GABRG3: variants seen among roughly 807,000 people sequenced by gnomAD.
GABRG3 encodes the protein gamma-aminobutyric acid type A receptor subunit gamma3, also known as gamma-aminobutyric acid receptor subunit gamma-3.
In GABRG3, 25 loss-of-function variants were observed where a neutral mutation model predicts 48.8. That is an observed-to-expected ratio of 0.51 (90% CI 0.37 to 0.72). The LOEUF (loss-of-function observed/expected upper bound fraction) is 0.72. GABRG3 is among the 30% of genes least tolerant of loss of function. The pLI is 0.00. For missense variants in GABRG3, 394 were observed against 577.9 expected (o/e 0.68, Z 3.26); for synonymous variants, 227 against 217.6 (o/e 1.04, Z -0.38).
At chr15:27,015,709 C>A (rs1004334240) in intron 2 of GABRG3, among the ~76,000 whole-genome samples, 4 of 151,916 alleles carry the variant, frequency 2.6e-5, no homozygotes, top group African/African-American at 9.7e-5. Context: ...TTTGAGTGAC[C>A]TGCTTTGATT....
At chr15:27,077,006 C>G (rs1566928583) in intron 3 of GABRG3, among the ~76,000 whole-genome samples, 1 of 152,196 alleles carries the variant, frequency 6.6e-6, no homozygotes, top group East Asian at 1.9e-4. Context: ...GTGACCTGCT[C>G]CAACCCGAGG....
intron 5 of GABRG3, among the ~76,000 whole-genome samples, chr15:27,344,676 G>A (rs1894305275): frequency 6.6e-6 from 1 of 151,174 alleles, no homozygotes; most frequent in South Asian, 2.1e-4. Context: ...TTGATTGTAG[G>A]TTGATTAACT....
intron 3 of GABRG3, among the ~76,000 whole-genome samples, chr15:27,087,074 C>G (rs997170112): frequency 1.3e-5 from 2 of 152,190 alleles, no homozygotes; most frequent in Non-Finnish European, 2.9e-5. Context: ...CGGGGCCAGC[C>G]CCCGTGCTTG....
intron 2 of GABRG3, among the ~76,000 whole-genome samples, chr15:27,004,152 G>A (rs1895530125): frequency 6.6e-6 from 1 of 151,152 alleles, no homozygotes; most frequent in Non-Finnish European, 1.5e-5. Context: ...CCTCCCGGAC[G>A]GGGTGGCTGC....
At chr15:27,398,396 T>C (rs1159649056) in intron 5 of GABRG3, among the ~76,000 whole-genome samples, 1 of 152,226 alleles carries the variant, frequency 6.6e-6, no homozygotes, top group East Asian at 1.9e-4. Flanking sequence ...CGACATATTG[T>C]ACTTTTAATT....
chr15:27,257,572 C>A (rs937934048), intron 3 of GABRG3, among the ~76,000 whole-genome samples: 3 of 152,272 alleles, frequency 2.0e-5, no homozygotes, highest in Admixed American at 1.3e-4. Flanking sequence ...AAGGGTCCAT[C>A]TAGTTTTATT....
In GABRG3 at chr15:27,319,677, G is replaced by C. The variant is rs1893353594; in HGVS notation, c.271-7132G>C. On this transcript the variant is annotated intron_variant, in intron 3 of 9. Transcript: ENST00000615808. This position sits in a 1 kb window ranked among gnomAD's most constrained non-coding sequence, Gnocchi z 4.4. Reference sequence around the variant, plus strand: ...GCGTGGGCAGAGCACAAATGGGATGGGGAGGAAGGGAGGTCTGTGCCGGGA... The same window carrying C: ...GCGTGGGCAGAGCACAAATGGGATGCGGAGGAAGGGAGGTCTGTGCCGGGA... Among the ~76,000 whole-genome samples, 1 of 152,104 alleles carries C rather than the reference G, an allele frequency of 6.6e-6. No homozygotes were observed. Among genetic ancestry groups the C allele is most frequent in the Non-Finnish European group, 1.5e-5 (1 of 68,016 alleles).
intron 6 of GABRG3, chr15:27,481,223 A>C: frequency 1.0e-6 from 1 of 986,558 alleles, no homozygotes; most frequent in Non-Finnish European, 1.2e-6. Flanking sequence ...TTTAACTTTG[A>C]GTTTCTTTTT....
intron 5 of GABRG3, among the ~76,000 whole-genome samples, chr15:27,420,946 T>C (rs1422389492): frequency 6.6e-6 from 1 of 152,232 alleles, no homozygotes; most frequent in East Asian, 1.9e-4. Flanking sequence ...TCTTCACTCA[T>C]TCAGAAAAGT....
intron 3 of GABRG3, among the ~76,000 whole-genome samples, chr15:27,270,686 A>G (rs1468194678): frequency 6.6e-6 from 1 of 152,172 alleles, no homozygotes; most frequent in Admixed American, 6.5e-5. Flanking sequence ...GACTACAGCA[A>G]ATAACAATGG....
intron 2 of GABRG3, among the ~76,000 whole-genome samples, chr15:27,004,525 T>C (rs1895543904): frequency 1.3e-5 from 2 of 151,480 alleles, no homozygotes; most frequent in African/African-American, 4.9e-5. Context: ...GCAGAGACAC[T>C]CCTCACTTCC....
intron 3 of GABRG3, among the ~76,000 whole-genome samples, chr15:27,175,180 G>T (rs899471583): frequency 6.6e-6 from 1 of 152,154 alleles, no homozygotes. Flanking sequence ...CAGGGCTTCT[G>T]CCCTGCTCGA....
intron 5 of GABRG3, chr15:27,428,018 A>AT (rs1195834758): frequency 2.0e-5 from 3 of 152,270 alleles, no homozygotes; most frequent in African/African-American, 7.2e-5. Flanking sequence ...AAGTGCCGAG[A>AT]TTACAGGCCC....
chr15:27,199,428 T>C (rs897429961), intron 3 of GABRG3, among the ~76,000 whole-genome samples: 5 of 152,172 alleles, frequency 3.3e-5, no homozygotes, highest in Non-Finnish European at 7.4e-5. Context: ...TAGCCCAAAC[T>C]ACATCCACTG....
At chr15:27,083,610 A>G (rs1391760785) in intron 3 of GABRG3, among the ~76,000 whole-genome samples, 8 of 152,180 alleles carry the variant, frequency 5.3e-5, no homozygotes, top group Non-Finnish European at 4.4e-5. Flanking sequence ...ACAGGCATGA[A>G]CCACCGTGCC....
At chr15:27,109,657 C>A (rs932223864) in intron 3 of GABRG3, among the ~76,000 whole-genome samples, 3 of 152,114 alleles carry the variant, frequency 2.0e-5, no homozygotes, top group Admixed American at 6.5e-5. Flanking sequence ...CTGAGGTGGG[C>A]GAATCACCCG....
chr15:27,289,237 C>G (rs890353833), intron 3 of GABRG3, among the ~76,000 whole-genome samples: 7 of 151,252 alleles, frequency 4.6e-5, no homozygotes, highest in Non-Finnish European at 7.4e-5. Context: ...TACATTATTT[C>G]TTCAATTGCT....
At chr15:27,338,019 A>C (rs934572142) in intron 5 of GABRG3, among the ~76,000 whole-genome samples, 1 of 152,172 alleles carries the variant, frequency 6.6e-6, no homozygotes, top group African/African-American at 2.4e-5. Context: ...TTCAGCACTA[A>C]ATATGGAGCG....
chr15:27,099,123 GC>G (rs576884451), intron 3 of GABRG3, among the ~76,000 whole-genome samples: 192 of 152,308 alleles, frequency 1.3e-3, no homozygotes, highest in Non-Finnish European at 2.2e-3. Flanking sequence ...TAATTATTGG[GC>G]AAAATATGTA....
Sources: gnomAD v4.1 joint callset for allele counts (sites outside exome capture counted in the v4.1 genomes callset) on GRCh38, gnomAD v4.1.1 for gene constraint, Gnocchi (gnomAD v3.1) non-coding constraint, MANE v1.5 for transcripts, NCBI Gene and HGNC (gene_info 2026-07-23, HGNC 2026-07-21) for gene names.